F8: variants seen among roughly 807,000 people sequenced by gnomAD.
The protein encoded by F8 is coagulation factor VIII.
Under a neutral mutation model 140.6 loss-of-function variants are expected in F8, and 12 were observed. The ratio of observed to expected loss-of-function variants is 0.09; its 90% CI spans 0.05 to 0.14. F8 has a LOEUF of 0.14. Ranked by LOEUF, F8 falls within the 10% of genes least tolerant of loss-of-function variation. The pLI is 1.00. For missense variants in F8, 1,354 were observed against 1,720.7 expected, an observed-to-expected ratio of 0.79 and a Z score of 3.77; for synonymous variants, 585 against 614.6, an observed-to-expected ratio of 0.95 and a Z score of 0.71.
Position 154,928,585 on chromosome X carries a change from A to G in F8, c.5205T>C (p.His1735=). The change falls in exon 14 of 26, where the codon CAT becomes CAC. Residue 1735 remains histidine, a synonymous_variant. Transcript: ENST00000360256. The stretch of plus-strand genomic sequence containing the variant: ...TGCATTCATACCTGTTTCTTAGAAC[A>G]TGTGGGGAGCTACTCATCCCATAAT... The part of the protein sequence containing the change: ...LWDYGMSSSP[H]VLRNRAQSGS... 1 of 1,209,155 alleles carries G rather than the reference A, an allele frequency of 8.3e-7. No homozygotes were observed. The highest frequency in any genetic ancestry group is 1.1e-6 in the Non-Finnish European group (1 of 892,977).
At chrX:155,015,532 C>A (rs1387544685) in intron 1 of F8, among the ~76,000 whole-genome samples, 1 of 112,080 alleles carries the variant, frequency 8.9e-6, no homozygotes, top group Non-Finnish European at 1.9e-5. Flanking sequence ...TAAAAACTGG[C>A]AAACCATTAT....
intron 1 of F8, among the ~76,000 whole-genome samples, chrX:155,004,826 T>C (rs2073667594): frequency 9.0e-6 from 1 of 111,672 alleles, no homozygotes; most frequent in African/African-American, 3.3e-5. Flanking sequence ...GATAGAGTGG[T>C]AGGACAGCTT....
At chrX:154,967,933 A>T (rs926456242) in intron 7 of F8, among the ~76,000 whole-genome samples, 18 of 111,970 alleles carry the variant, frequency 1.6e-4, no homozygotes, top group African/African-American at 5.8e-4. Context: ...GAACATAAGG[A>T]GGAAAATGGT....
intron 1 of F8, among the ~76,000 whole-genome samples, chrX:155,011,242 A>G (rs782728284): frequency 8.9e-6 from 1 of 112,586 alleles, no homozygotes; most frequent in African/African-American, 3.2e-5. Context: ...AAACACGCAA[A>G]GCATTTAAAT....
intron 14 of F8, among the ~76,000 whole-genome samples, chrX:154,926,756 T>C (rs1207264848): frequency 8.9e-6 from 1 of 111,750 alleles, no homozygotes; most frequent in East Asian, 2.8e-4. Context: ...AGTCTAATTG[T>C]GTGCATGTTA....
At chrX:154,876,310 G>A (rs1309555617) in intron 22 of F8, among the ~76,000 whole-genome samples, 1 of 109,100 alleles carries the variant, frequency 9.2e-6, no homozygotes, top group Non-Finnish European at 1.9e-5. Flanking sequence ...TAGTAGAGAC[G>A]GTGTTTCACC....
chrX:154,996,789 G>A (rs1281358405), intron 3 of F8, among the ~76,000 whole-genome samples, 184 bp downstream of exon 3: 2 of 111,775 alleles, frequency 1.8e-5, no homozygotes, highest in Non-Finnish European at 3.8e-5. Context: ...TATATGCTAA[G>A]GACACAGCAA....
intron 25 of F8, among the ~76,000 whole-genome samples, chrX:154,841,623 T>G: frequency 9.0e-6 from 1 of 111,684 alleles, no homozygotes; most frequent in Admixed American, 9.6e-5. Context: ...TGCCATCATA[T>G]CTTCCACATA....
At chrX:155,014,030 G>A (rs782544722) in intron 1 of F8, among the ~76,000 whole-genome samples, 2 of 111,378 alleles carry the variant, frequency 1.8e-5, no homozygotes, top group Admixed American at 9.5e-5. Flanking sequence ...TGAATTTGGG[G>A]TGGGGGGAGG....
At chrX:154,866,333 T>A (rs1353157215) in intron 22 of F8, among the ~76,000 whole-genome samples, 1 of 111,586 alleles carries the variant, frequency 9.0e-6, no homozygotes, top group Non-Finnish European at 1.9e-5. Flanking sequence ...AATGAATAGA[T>A]CATCCCAACA....
intron 1 of F8, among the ~76,000 whole-genome samples, chrX:155,017,677 G>T (rs942326540): frequency 2.3e-4 from 26 of 110,877 alleles, no homozygotes; most frequent in African/African-American, 7.2e-4. Context: ...TAAAGCTGGG[G>T]TGGGGTGGGA....
intron 7 of F8, 109 bp downstream of exon 7, chrX:154,969,222 A>G (rs1310001922): frequency 5.4e-6 from 4 of 745,339 alleles, no homozygotes; most frequent in Non-Finnish European, 5.9e-6. Context: ...CAGTAACTCT[A>G]TAATGTCCCC....
chrX:154,966,741 C>A, intron 7 of F8, 54 bp from the exon 8 acceptor site: 1 of 1,162,494 alleles, frequency 8.6e-7, no homozygotes, highest in Admixed American at 2.2e-5. Flanking sequence ...TTAGGCTGTT[C>A]TATACCAGAG....
chrX:154,858,476 T>C (rs1163619025), intron 25 of F8, among the ~76,000 whole-genome samples: 2 of 112,618 alleles, frequency 1.8e-5, no homozygotes, highest in Non-Finnish European at 3.8e-5. Context: ...GGAAGGAAAC[T>C]GAACTACTGC....
intron 25 of F8, among the ~76,000 whole-genome samples, chrX:154,853,413 T>C (rs1439899251): frequency 1.8e-5 from 2 of 111,928 alleles, no homozygotes; most frequent in African/African-American, 6.5e-5. Flanking sequence ...ATAATGTCAA[T>C]ATCTGGTGTT....
At chrX:154,947,560 CAG>C in intron 13 of F8, 136 bp downstream of exon 13, 2 of 541,551 alleles carry the variant, frequency 3.7e-6, no homozygotes, top group Non-Finnish European at 6.5e-6. Flanking sequence ...AATAACTACT[CAG>C]AGGAGAAACT....
chrX:154,981,481 T>C (rs2073520536), intron 6 of F8, among the ~76,000 whole-genome samples: 1 of 108,184 alleles, frequency 9.2e-6, no homozygotes, highest in African/African-American at 3.4e-5. Flanking sequence ...GACCACAGTG[T>C]CCTTATAATT....
intron 13 of F8, 139 bp downstream of exon 13, chrX:154,947,559 T>C: frequency 1.9e-6 from 1 of 540,287 alleles, no homozygotes; most frequent in African/African-American, 2.2e-5. Flanking sequence ...TAATAACTAC[T>C]CAGAGGAGAA....
In F8 at chrX:154,975,027, GAACT is replaced by G. The variant is rs199857212; in HGVS notation, c.788-5479_788-5476del. ...ATTGACTTTTTTTTATCTTTTCAAA[GAACT>G]AACTAACTCATTATACTGATCTTTT... On this transcript the variant is annotated intron_variant, in intron 6 of 25. Transcript: ENST00000360256. Among the ~76,000 whole-genome samples, 490 of 111,039 alleles carry G rather than the reference GAACT, an allele frequency of 4.4e-3. 3 individuals are homozygous for G. Among genetic ancestry groups the G allele is most frequent in the African/African-American group, 0.015 (446 of 30,628 alleles).
Sources: gnomAD v4.1 joint callset for allele counts (sites outside exome capture counted in the v4.1 genomes callset) on GRCh38, gnomAD v4.1.1 for gene constraint, MANE v1.5 for transcripts, NCBI Gene and HGNC (gene_info 2026-07-23, HGNC 2026-07-21) for gene names.